SLC35D4: variants seen among roughly 807,000 people sequenced by gnomAD.
SLC35D4 encodes the protein solute carrier family 35 member D4.
At chr18:23,374,489 T>C in the SLC35D4 span, among the ~76,000 whole-genome samples, 3 of 145,982 alleles carry the variant, frequency 2.1e-5, no homozygotes, top group Admixed American at 1.5e-4. Flanking sequence ...TGACATCTTT[T>C]TTTTTTTTTT....
At chr18:23,424,379 T>C in the SLC35D4 span, among the ~76,000 whole-genome samples, 2 of 152,170 alleles carry the variant, frequency 1.3e-5, no homozygotes, top group Non-Finnish European at 2.9e-5. Flanking sequence ...ATCTGCAGAA[T>C]ACGTTACTCT....
the SLC35D4 span, chr18:23,437,705 C>T: frequency 1.4e-6 from 2 of 1,472,346 alleles, no homozygotes; most frequent in South Asian, 1.2e-5. Flanking sequence ...CAGGAGGAGG[C>T]TCCGTTTGTC....
chr18:23,383,473 C>T, the SLC35D4 span, among the ~76,000 whole-genome samples: 6 of 152,036 alleles, frequency 3.9e-5, 1 homozygote, highest in South Asian at 6.2e-4. Flanking sequence ...GTCGCACAGA[C>T]GAAGCCACCA....
chr18:23,371,941 T>G, the SLC35D4 span, among the ~76,000 whole-genome samples: 3 of 26,306 alleles, frequency 1.1e-4, no homozygotes, highest in African/African-American at 3.1e-4. Context: ...TTTTGTTTTT[T>G]TTTTTTTTTT....
the SLC35D4 span, among the ~76,000 whole-genome samples, chr18:23,364,955 A>G: frequency 6.8e-6 from 1 of 146,534 alleles, no homozygotes; most frequent in Admixed American, 6.9e-5. Flanking sequence ...TTCTGGAATT[A>G]TGAGAATTGG....
At chr18:23,291,012 C>G in the SLC35D4 span, among the ~76,000 whole-genome samples, 1 of 152,152 alleles carries the variant, frequency 6.6e-6, no homozygotes, top group Admixed American at 6.5e-5. Flanking sequence ...TCATCTCATT[C>G]GTGGTTATAT....
chr18:23,383,458 G>A, the SLC35D4 span, among the ~76,000 whole-genome samples: 2 of 152,128 alleles, frequency 1.3e-5, no homozygotes, highest in South Asian at 2.1e-4. Context: ...AAACAGACAC[G>A]ATGAGTCGCA....
chr18:23,376,245 G>C, the SLC35D4 span, among the ~76,000 whole-genome samples: 1 of 152,218 alleles, frequency 6.6e-6, no homozygotes, highest in Admixed American at 6.5e-5. Flanking sequence ...AACTTGGCAT[G>C]TGTAATCTTA....
At chr18:23,425,984 T>C in the SLC35D4 span, among the ~76,000 whole-genome samples, 1 of 151,990 alleles carries the variant, frequency 6.6e-6, no homozygotes, top group South Asian at 2.1e-4. Flanking sequence ...TGATTATGCC[T>C]TTGGGCATAA....
chr18:23,327,904 G>A, the SLC35D4 span, among the ~76,000 whole-genome samples: 3 of 152,052 alleles, frequency 2.0e-5, no homozygotes, highest in Non-Finnish European at 4.4e-5. Flanking sequence ...TTCAACATAC[G>A]CAAATCAATA....
the SLC35D4 span, among the ~76,000 whole-genome samples, chr18:23,293,162 T>G: frequency 1.3e-5 from 2 of 152,214 alleles, no homozygotes; most frequent in Non-Finnish European, 2.9e-5. Context: ...GAGAATCGCT[T>G]GAACCTGGGA....
chr18:23,373,788 G>A, the SLC35D4 span: 1 of 1,609,568 alleles, frequency 6.2e-7, no homozygotes. Flanking sequence ...ATAAAACACT[G>A]CAGCTTCACC....
the SLC35D4 span, chr18:23,252,951 C>T: frequency 1.3e-6 from 2 of 1,577,450 alleles, no homozygotes; most frequent in Non-Finnish European, 1.7e-6. Context: ...GTTCCCCTGT[C>T]TGTTACAGAC....
chr18:23,413,395 A>T, the SLC35D4 span, among the ~76,000 whole-genome samples: 1 of 152,172 alleles, frequency 6.6e-6, no homozygotes, highest in Admixed American at 6.5e-5. Flanking sequence ...AGCTCCCAAC[A>T]CCACAGTGTT....
At chr18:23,245,299 G>A in the SLC35D4 span, among the ~76,000 whole-genome samples, 4 of 152,282 alleles carry the variant, frequency 2.6e-5, no homozygotes, top group Admixed American at 2.6e-4. Context: ...CTTGAGGTCA[G>A]GAGTTGGAGA....
the SLC35D4 span, among the ~76,000 whole-genome samples, chr18:23,339,410 A>G: frequency 6.6e-6 from 1 of 152,238 alleles, no homozygotes; most frequent in Non-Finnish European, 1.5e-5. Flanking sequence ...GATAATTAAT[A>G]ATATAGTTCC....
chr18:23,376,626 A>G, the SLC35D4 span, among the ~76,000 whole-genome samples: 2 of 152,144 alleles, frequency 1.3e-5, no homozygotes, highest in Non-Finnish European at 2.9e-5. Context: ...GTGGGAGGAG[A>G]GGAGAATCCT....
chr18:23,313,988 G>A, the SLC35D4 span, among the ~76,000 whole-genome samples: 1 of 152,132 alleles, frequency 6.6e-6, no homozygotes, highest in African/African-American at 2.4e-5. Context: ...CACAGAACTA[G>A]GACTAATAAT....
the SLC35D4 span, among the ~76,000 whole-genome samples, chr18:23,280,730 G>A: frequency 6.6e-6 from 1 of 151,866 alleles, no homozygotes; most frequent in African/African-American, 2.4e-5. Flanking sequence ...ACAGGCAACA[G>A]GAGACTGTTG....
Sources: gnomAD v4.1 joint callset for allele counts (sites outside exome capture counted in the v4.1 genomes callset) on GRCh38, gnomAD v4.1.1 for gene constraint, MANE v1.5 for transcripts, NCBI Gene and HGNC (gene_info 2026-07-23, HGNC 2026-07-21) for gene names.